PCDHA4: variants seen among roughly 807,000 people sequenced by gnomAD.
PCDHA4 encodes protocadherin alpha-4.
A neutral mutation model predicts 61.4 loss-of-function variants in PCDHA4; 49 were observed. The ratio of observed to expected loss-of-function variants is 0.80; its 90% confidence interval spans 0.63 to 1.01. PCDHA4 has a LOEUF of 1.01. Among genes scored for constraint, PCDHA4 ranks in the 50% least tolerant of loss-of-function variants. The probability of loss-of-function intolerance (pLI) is 0.00; values close to 1 mark genes in which losing one functional copy is unlikely to be tolerated. For missense variants in PCDHA4, 1,254 were observed against 1,235.8 expected, an observed-to-expected ratio of 1.01 and a Z score of -0.22; for synonymous variants, 590 against 550.3, an observed-to-expected ratio of 1.07 and a Z score of -1.01.
At chr5:140,953,903 C>T (rs755692840) in intron 1 of PCDHA4, among the ~76,000 whole-genome samples, 1 of 152,120 alleles carries the variant, frequency 6.6e-6, no homozygotes, top group Non-Finnish European at 1.5e-5. Context: ...TTAAGCCCAG[C>T]ATCCATTAGG....
At position 140,852,587 on chromosome 5, in the gene PCDHA4, T is replaced by A. The variant is rs2150519180; in HGVS notation, c.2385+43015T>A. The stretch of plus-strand genomic sequence containing the variant: ...CACTGTGCCAAGGCTTTTTTATTTT[T>A]TTTTTTTGTCATTTTCTTTCAAAAC... On this transcript the variant is annotated intron_variant, in intron 1 of 3. Coordinates refer to ENST00000530339, the MANE Select transcript of PCDHA4 (RefSeq NM_018907.4). 5.8e-4 allele frequency: 511 copies of A among 881,870 alleles called. 32 individuals carry two copies. Among genetic ancestry groups the A allele is most frequent in the Admixed American group, 7.6e-4 (12 of 15,710 alleles). 54.6% of individuals were successfully genotyped at this position (881,870 alleles called of 1,614,324 possible).
At chr5:140,983,239 C>A (rs557831259) in intron 3 of PCDHA4, among the ~76,000 whole-genome samples, 53 of 152,294 alleles carry the variant, frequency 3.5e-4, no homozygotes, top group African/African-American at 1.2e-3. Context: ...GGAAAGAGAA[C>A]CTGCTAAGTT....
At chr5:140,956,885 T>C (rs1156888418) in intron 1 of PCDHA4, among the ~76,000 whole-genome samples, 1 of 152,194 alleles carries the variant, frequency 6.6e-6, no homozygotes, top group Non-Finnish European at 1.5e-5. Context: ...TAGATATCAA[T>C]GAATGAATAT....
In PCDHA4 at chr5:140,848,974, C is replaced by T. The variant is rs2150427496; in HGVS notation, c.2385+39402C>T. On this transcript the variant is annotated intron_variant, in intron 1 of 3. Coordinates refer to ENST00000530339, the MANE Select transcript of PCDHA4 (RefSeq NM_018907.4). ...TTTCCACTAGAGGGCGCGTCCGATG[C>T]AGATATCGGGGAGAACGCCCTGCTC... 302 of 1,600,986 alleles carry T rather than the reference C, an allele frequency of 1.9e-4. 1 individual carries two copies. The highest frequency in any genetic ancestry group is 2.4e-4 in the Non-Finnish European group (280 of 1,171,990).
At chr5:140,828,699 A>C (rs2150158011) in intron 1 of PCDHA4, 16 of 1,614,132 alleles carry the variant, frequency 9.9e-6, no homozygotes, top group Non-Finnish European at 1.4e-5. Flanking sequence ...TTGGACAGAG[A>C]GGAAGCTCCT....
chr5:140,924,895 AAAAAAAAAAATAAAATAAAAT>A (rs1361418672), intron 1 of PCDHA4, among the ~76,000 whole-genome samples: 1,915 of 132,218 alleles, frequency 0.014, 23 homozygotes, highest in Admixed American at 0.024. Context: ...AACCTGTCTC[AAAAAAAAAAATAAAATAAAAT>A]AAAATAAAAT....
chr5:140,969,542 C>T, intron 1 of PCDHA4: 1 of 1,279,490 alleles, frequency 7.8e-7, no homozygotes, highest in South Asian at 1.6e-5. Flanking sequence ...TTTTCAGAGG[C>T]ATGAAGCCTT....
chr5:140,964,251 T>A (rs2095820730), intron 1 of PCDHA4, among the ~76,000 whole-genome samples: 2 of 152,330 alleles, frequency 1.3e-5, no homozygotes, highest in Non-Finnish European at 1.5e-5. Flanking sequence ...TGGCTTTATA[T>A]TTGACTCCTT....
chr5:141,001,913 C>T (rs545106723), intron 3 of PCDHA4, among the ~76,000 whole-genome samples: 2 of 152,296 alleles, frequency 1.3e-5, no homozygotes, highest in South Asian at 2.1e-4. Flanking sequence ...AAAAAGACTG[C>T]AGTGGCTGAC....
Position 140,809,383 on chromosome 5 carries a change from C to G in PCDHA4, c.2196C>G (p.Cys732Trp), listed in dbSNP as rs558389511. 1 of 1,614,038 alleles carries G rather than the reference C, an allele frequency of 6.2e-7. No homozygotes were observed. Among genetic ancestry groups the G allele is most frequent in the South Asian group, 1.1e-5 (1 of 91,058 alleles). The change falls in exon 1 of 4, where the codon TGC (cysteine) becomes TGG (tryptophan). Residue 732 changes from cysteine to tryptophan, a missense_variant. Transcript: ENST00000530339. ...CTGCGCTGCCCACCGAGGGCGCGTG[C>G]GCTCCGGGCAAGCCCACGCTGGTGT... ...RCSALPTEGA[C>W]APGKPTLVCS...
In PCDHA4 at chr5:140,829,267, C is replaced by G. The variant is rs2150164900; in HGVS notation, c.2385+19695C>G. 1.1e-5 allele frequency: 18 copies of G among 1,614,126 alleles called. No homozygotes were observed. Among genetic ancestry groups the G allele is most frequent in the African/African-American group, 2.7e-5 (2 of 74,954 alleles). ...AGGTGAACTGCTCGCTGACGCCTCA[C>G]GTCCCTTTCAAGCTGGTGTCCACCT... On this transcript the variant is annotated intron_variant, in intron 1 of 3. Coordinates refer to ENST00000530339, the MANE Select transcript of PCDHA4 (RefSeq NM_018907.4).
At chr5:140,878,110 AC>A (rs1554170303) in intron 1 of PCDHA4, 1 of 249,146 alleles carries the variant, frequency 4.0e-6, no homozygotes, top group African/African-American at 2.3e-5. Context: ...CTTGAAAAAA[AC>A]AGTATATTAG....
At chr5:140,835,478 A>G (rs2150236474) in intron 1 of PCDHA4, 1 of 1,613,898 alleles carries the variant, frequency 6.2e-7, no homozygotes. Context: ...ACGCCCAACC[A>G]GGTACCGTCA....
At chr5:140,857,375 G>A (rs1554149916) in intron 1 of PCDHA4, 2 of 1,598,360 alleles carry the variant, frequency 1.3e-6, no homozygotes, top group Non-Finnish European at 1.7e-6. Context: ...CGTGTCTGTG[G>A]AGGTGGCCGA....
intron 1 of PCDHA4, among the ~76,000 whole-genome samples, chr5:140,832,543 A>T (rs1469117673): frequency 6.6e-6 from 1 of 152,226 alleles, no homozygotes; most frequent in Non-Finnish European, 1.5e-5. Context: ...TGTGTAGCTA[A>T]TGATATCTAA....
At chr5:140,986,954 C>T (rs2097219916) in intron 3 of PCDHA4, among the ~76,000 whole-genome samples, 1 of 152,154 alleles carries the variant, frequency 6.6e-6, no homozygotes, top group African/African-American at 2.4e-5. Context: ...TCGCTCATGC[C>T]TGTAATTCCA....
chr5:140,926,323 G>C (rs977416438), intron 1 of PCDHA4: 1 of 152,270 alleles, frequency 6.6e-6, no homozygotes, highest in South Asian at 2.1e-4. Flanking sequence ...GGTGCGCCGG[G>C]GTCAGAGCGC....
intron 3 of PCDHA4, among the ~76,000 whole-genome samples, chr5:140,997,970 G>A (rs2097791868): frequency 2.0e-5 from 3 of 152,106 alleles, no homozygotes; most frequent in Admixed American, 2.0e-4. Context: ...ACCTGTGGTT[G>A]GACTGCACTT....
intron 1 of PCDHA4, among the ~76,000 whole-genome samples, chr5:140,914,386 G>A (rs565819670): frequency 2.6e-5 from 4 of 152,216 alleles, no homozygotes; most frequent in East Asian, 1.9e-4. Flanking sequence ...TGTTATAAGT[G>A]TAGTTACCCC....
Sources: allele counts gnomAD v4.1 joint callset (sites outside exome capture counted in the v4.1 genomes callset), GRCh38; gene constraint gnomAD v4.1.1; transcripts MANE v1.5; gene names NCBI Gene and HGNC (gene_info 2026-07-23, HGNC 2026-07-21).